SBF2: variants seen among roughly 807,000 people sequenced by gnomAD.
The protein encoded by SBF2 is myotubularin-related protein 13.
SBF2 carries 112 observed loss-of-function variants against 225.2 expected under a neutral mutation model. The ratio of observed to expected loss-of-function variants is 0.50; its 90% confidence interval spans 0.43 to 0.58. SBF2 has a LOEUF of 0.58. SBF2 is among the 20% of genes least tolerant of loss of function. SBF2 has a pLI of 0.00. For synonymous variants in SBF2, 763 were observed against 773.3 expected (o/e 0.99, Z 0.22); for missense variants, 1,996 against 2,206.2 (o/e 0.90, Z 1.91).
chr11:9,967,947 GTCTCTC>G (rs1214352340), intron 14 of SBF2, among the ~76,000 whole-genome samples: 14 of 100,246 alleles, frequency 1.4e-4, no homozygotes, highest in Admixed American at 4.1e-4. Context: ...CTGTCTGTCT[GTCTCTC>G]TCTCTCTCTC....
chr11:9,918,949 A>G (rs1405844815), intron 16 of SBF2, among the ~76,000 whole-genome samples: 1 of 151,738 alleles, frequency 6.6e-6, no homozygotes, highest in African/African-American at 2.4e-5. Context: ...TCACCGTGTT[A>G]GCCAGGATGG....
At chr11:9,879,578 T>C (rs1859564815) in intron 17 of SBF2, among the ~76,000 whole-genome samples, 1 of 152,162 alleles carries the variant, frequency 6.6e-6, no homozygotes, top group Non-Finnish European at 1.5e-5. Context: ...ACTGTGTCTG[T>C]TTTATTTGTC....
In SBF2 at chr11:9,945,356, C is replaced by T. The variant is rs190542910; in HGVS notation, c.1860+16601G>A. Among the ~76,000 whole-genome samples the T allele has an allele frequency of 2.6e-5, 4 of 152,260 alleles. No individual in the cohort carries two copies. In the East Asian group the frequency reaches 7.7e-4, roughly 29 times the overall value. On this transcript the variant is annotated intron_variant, in intron 16 of 39. Coordinates refer to ENST00000256190, the MANE Select transcript of SBF2 (RefSeq NM_030962.4). ...TAAGAAGCAATGAAGAAAGGACTTC[C>T]TATTCAATAAACGGTGCTAGGATAA...
intron 1 of SBF2, among the ~76,000 whole-genome samples, chr11:10,216,802 G>A (rs923799920): frequency 3.3e-5 from 5 of 152,110 alleles, no homozygotes; most frequent in Admixed American, 6.5e-5. Context: ...ACCGGGAGGC[G>A]GAGGTTGCAG....
intron 6 of SBF2, among the ~76,000 whole-genome samples, chr11:10,021,456 C>A (rs1590775119): frequency 6.6e-6 from 1 of 150,422 alleles, no homozygotes; most frequent in East Asian, 2.0e-4. Context: ...ACAAAAAAAA[C>A]AAAAAAACCA....
In SBF2 at chr11:9,998,332, G is replaced by A. The variant is rs16907355; in HGVS notation, c.909C>T (p.Pro303=). 0.069 allele frequency: 110,122 copies of A among 1,606,236 alleles called. 4,774 individuals are homozygous for A. Among genetic ancestry groups the A allele is most frequent in the Middle Eastern group, 0.19 (1,124 of 6,018 alleles). Reference sequence around the variant, plus strand: ...GGAGGGAAGAGAGGTGAATACATTCGGGAATTTTAATAGTGCCTCCATCCA... The same window carrying A: ...GGAGGGAAGAGAGGTGAATACATTCAGGAATTTTAATAGTGCCTCCATCCA... The part of the protein sequence containing the change: ...ADLDGGTIKI[P]ECIHLSSLPE... Residue 303 remains proline, a synonymous_variant, in exon 9 of 40, where the codon CCC becomes CCT. Coordinates refer to ENST00000256190, the MANE Select transcript of SBF2 (RefSeq NM_030962.4).
At chr11:9,839,303 A>T in intron 26 of SBF2, 195 bp downstream of exon 26, 1 of 623,374 alleles carries the variant, frequency 1.6e-6, no homozygotes. Context: ...TCACCTTCTC[A>T]CCTACTAGAG....
intron 28 of SBF2, among the ~76,000 whole-genome samples, chr11:9,828,905 A>C (rs1224909471): frequency 6.7e-6 from 1 of 148,586 alleles, no homozygotes; most frequent in South Asian, 2.1e-4. Context: ...AAAGGAAATA[A>C]CTGAGCTGGG....
In SBF2 at chr11:9,993,077, A is replaced by T; in HGVS notation, c.1080T>A (p.Leu360=). 6.2e-7 allele frequency: 1 copy of T among 1,612,254 alleles called. No homozygotes were observed. Among genetic ancestry groups the T allele is most frequent in the Non-Finnish European group, 8.5e-7 (1 of 1,179,578 alleles). Residue 360 remains leucine, a synonymous_variant, in exon 11 of 40, where the codon CTT becomes CTA. Coordinates refer to ENST00000256190, the MANE Select transcript of SBF2 (RefSeq NM_030962.4). ...CTTGGAAGAGTTGTGCAAATAATCTAAGGAAAACGGCTCGCACCTCTTTAT... is the reference window on the plus strand; with the variant it reads ...CTTGGAAGAGTTGTGCAAATAATCTTAGGAAAACGGCTCGCACCTCTTTAT... The part of the protein sequence containing the change: ...MLDKEVRAVF[L]RLFAQLFQGY...
At chr11:9,894,407 C>T (rs1861075537) in intron 17 of SBF2, among the ~76,000 whole-genome samples, 1 of 152,152 alleles carries the variant, frequency 6.6e-6, no homozygotes. Context: ...GTCCCACCTA[C>T]TCGGGAGGCT....
At chr11:10,149,310 T>C (rs1166327537) in intron 2 of SBF2, 2 of 152,136 alleles carry the variant, frequency 1.3e-5, no homozygotes, top group Admixed American at 6.5e-5. Context: ...ATGGGGTCTT[T>C]TTTGCTCAAA....
intron 2 of SBF2, among the ~76,000 whole-genome samples, chr11:10,132,021 C>A (rs1954084602): frequency 6.6e-6 from 1 of 152,158 alleles, no homozygotes; most frequent in Admixed American, 6.5e-5. Flanking sequence ...TTGAGTTACT[C>A]TGGTACCACT....
chr11:9,782,309 G>A (rs577025961), intron 38 of SBF2, among the ~76,000 whole-genome samples: 1 of 152,006 alleles, frequency 6.6e-6, no homozygotes, highest in South Asian at 2.1e-4. Flanking sequence ...GTAGAAAAAT[G>A]CTCAAAATAT....
intron 2 of SBF2, among the ~76,000 whole-genome samples, chr11:10,043,429 A>G (rs1949732744): frequency 6.6e-6 from 1 of 152,232 alleles, no homozygotes; most frequent in Admixed American, 6.5e-5. Context: ...AGCAAGACAG[A>G]CCACATTCTT....
At chr11:10,084,101 T>C (rs1951465182) in intron 2 of SBF2, among the ~76,000 whole-genome samples, 1 of 152,100 alleles carries the variant, frequency 6.6e-6, no homozygotes, top group Admixed American at 6.6e-5. Flanking sequence ...AAAGTATCTA[T>C]CCAACAAGGG....
intron 6 of SBF2, among the ~76,000 whole-genome samples, chr11:10,027,035 T>C: frequency 6.6e-6 from 1 of 152,200 alleles, no homozygotes. Context: ...ACATTGCAGA[T>C]AGGCTAAATT....
chr11:10,103,944 A>T (rs1952431507), intron 2 of SBF2, among the ~76,000 whole-genome samples: 1 of 152,144 alleles, frequency 6.6e-6, no homozygotes, highest in African/African-American at 2.4e-5. Context: ...TTAGCCAAGC[A>T]TGGTGATGCA....
chr11:9,799,906 CTT>C (rs1208620452), intron 32 of SBF2, among the ~76,000 whole-genome samples: 1 of 152,294 alleles, frequency 6.6e-6, no homozygotes, highest in Middle Eastern at 3.4e-3. Flanking sequence ...ATTTGCATAT[CTT>C]TGGTGAAATC....
intron 16 of SBF2, among the ~76,000 whole-genome samples, chr11:9,898,656 GTGAGACC>G (rs1861469962): frequency 6.6e-6 from 1 of 152,186 alleles, no homozygotes; most frequent in Non-Finnish European, 1.5e-5. Context: ...GGGCAACGGA[GTGAGACC>G]TGTCTTTTAA....
Sources: gnomAD v4.1 joint callset for allele counts (sites outside exome capture counted in the v4.1 genomes callset) on GRCh38, gnomAD v4.1.1 for gene constraint, MANE v1.5 for transcripts, NCBI Gene and HGNC (gene_info 2026-07-23, HGNC 2026-07-21) for gene names.